Variants in CGB7 observed in about 807,000 individuals in gnomAD.
The protein encoded by CGB7 is chorionic gonadotropin subunit beta 7.
In CGB7, 6 loss-of-function variants were observed where a neutral mutation model predicts 7.3. The observed-to-expected ratio is 0.82, with a 90% CI of 0.45 to 1.62. The LOEUF (loss-of-function observed/expected upper bound fraction) is 1.62. CGB7 is among the 40% of genes most tolerant of loss of function. The pLI is 0.01. For synonymous variants in CGB7, 47 were observed against 100.8 expected, an observed-to-expected ratio of 0.47 and a Z score of 3.20; for missense variants, 114 against 236.2, an observed-to-expected ratio of 0.48 and a Z score of 3.39.
chr19:49,056,535 C>G lies in CGB7; in HGVS notation c.-1160G>C. 2 of 1,303,194 alleles carry G rather than the reference C, an allele frequency of 1.5e-6. No individual in the cohort carries two copies. The highest frequency in any genetic ancestry group is 2.0e-6 in the Non-Finnish European group (2 of 998,188). The allele number at this position is 1,303,194 out of a possible 1,614,324, so 80.7% of individuals were successfully genotyped here. On this transcript the variant is annotated 5_prime_UTR_variant, in exon 3 of 5. Coordinates refer to ENST00000684222, the MANE Select transcript of CGB7 (RefSeq NM_001385261.1). ...GCGGGTCGTGACTCCAGAGTTGGGG[C>G]GTCTCTTCTAAGCTCCAGTAGGTCA... is the stretch of plus-strand genomic sequence containing the variant.
chr19:49,056,183 C>T lies in CGB7; in HGVS notation c.-808G>A, dbSNP rs545563224. 1 of 1,267,324 alleles carries T rather than the reference C, an allele frequency of 7.9e-7. No individual in the cohort carries two copies. 78.5% of individuals were successfully genotyped at this position (1,267,324 alleles called of 1,614,324 possible). On this transcript the variant is annotated 5_prime_UTR_variant, in exon 3 of 5. Coordinates refer to ENST00000684222, the MANE Select transcript of CGB7 (RefSeq NM_001385261.1). ...TAATGAGTGCGAGCCCACCTAGGTCCGACACCGCGTAGTGAGCGGCTGCCC... is the reference window on the plus strand; with the variant it reads ...TAATGAGTGCGAGCCCACCTAGGTCTGACACCGCGTAGTGAGCGGCTGCCC...
Position 49,055,933 on chromosome 19 carries a change from C to T in CGB7, c.-558G>A, listed in dbSNP as rs944189314. 1 of 1,097,054 alleles carries T rather than the reference C, an allele frequency of 9.1e-7. No individual in the cohort carries two copies. Among genetic ancestry groups the T allele is most frequent in the African/African-American group, 1.7e-5 (1 of 60,192 alleles). 68.0% of individuals were successfully genotyped at this position (1,097,054 alleles called of 1,614,324 possible). The stretch of plus-strand genomic sequence containing the variant: ...CCGAGCCCCACCTCTCCCTTAGGAA[C>T]CTCCGCCCACCCTACCCTCAAGCCA... On this transcript the variant is annotated 5_prime_UTR_variant, in exon 3 of 5. Transcript: ENST00000684222.
In CGB7 at chr19:49,057,509, C is replaced by A. The variant is rs2040081477; in HGVS notation, c.-1396G>T. The A allele has an allele frequency of 2.4e-6, 3 of 1,234,396 alleles. No individual in the cohort carries two copies. The highest frequency in any genetic ancestry group is 7.8e-5 in the Admixed American group (2 of 25,494). The allele number at this position is 1,234,396 out of a possible 1,614,324, so 76.5% of individuals were successfully genotyped here. ...GCTGGTCAAGGAACTCAAATGCAGG[C>A]CCCCAGCCACCACAAAATCCCCCTG... is the stretch of plus-strand genomic sequence containing the variant. On this transcript the variant is annotated 5_prime_UTR_variant, in exon 1 of 5. Transcript: ENST00000684222.
At chr19:49,057,344 C>G in intron 1 of CGB7, 96 bp from the exon 2 acceptor site, 1 of 1,449,632 alleles carries the variant, frequency 6.9e-7, no homozygotes, top group East Asian at 2.6e-5. Flanking sequence ...CTCCTTCGGC[C>G]TCGACAGCCA....
chr19:49,056,436 T>A lies in CGB7; in HGVS notation c.-1061A>T, dbSNP rs79891871. On this transcript the variant is annotated 5_prime_UTR_variant, in exon 3 of 5. Transcript: ENST00000684222. Reference sequence around the variant, plus strand: ...AGCGGGTGCGGCGAGGAGCTGTAGGTTTCCTGAGCCGGAGACATGGCCCGC... The same window carrying A: ...AGCGGGTGCGGCGAGGAGCTGTAGGATTCCTGAGCCGGAGACATGGCCCGC... 7.7e-7 allele frequency: 1 copy of A among 1,297,646 alleles called. No homozygotes were observed. Among genetic ancestry groups the A allele is most frequent in the Non-Finnish European group, 1.0e-6 (1 of 994,162 alleles). The allele number at this position is 1,297,646 out of a possible 1,614,324, so 80.4% of individuals were successfully genotyped here.
chr19:49,056,753 G>A (rs1355031599), intron 2 of CGB7, among the ~76,000 whole-genome samples, 158 bp from the exon 3 acceptor site: 1 of 152,158 alleles, frequency 6.6e-6, no homozygotes, highest in East Asian at 1.9e-4. Context: ...TGCGTTCCTG[G>A]GTCCTCGAGG....
Position 49,055,553 on chromosome 19 carries a change from C to A in CGB7, c.-178G>T. On this transcript the variant is annotated 5_prime_UTR_variant, in exon 3 of 5. Coordinates refer to ENST00000684222, the MANE Select transcript of CGB7 (RefSeq NM_001385261.1). ...GCTCAGCGGAGCACCCCAGTCCTCT[C>A]CCCTCAGTGGTCTAGCGCCAAGGAT... is the stretch of plus-strand genomic sequence containing the variant. The A allele has an allele frequency of 6.5e-7, 1 of 1,544,208 alleles. No individual in the cohort carries two copies. Among genetic ancestry groups the A allele is most frequent in the Non-Finnish European group, 8.7e-7 (1 of 1,145,214 alleles).
At position 49,055,455 on chromosome 19, in the gene CGB7, G is replaced by A. The variant is rs1487240407; in HGVS notation, c.-80C>T. The A allele has an allele frequency of 5.0e-6, 8 of 1,607,752 alleles. No individual in the cohort carries two copies. The highest frequency in any genetic ancestry group is 6.8e-6 in the Non-Finnish European group (8 of 1,176,528). On this transcript the variant is annotated 5_prime_UTR_variant, in exon 3 of 5. Coordinates refer to ENST00000684222, the MANE Select transcript of CGB7 (RefSeq NM_001385261.1). Reference sequence around the variant, plus strand: ...GCGTCAAGGCCACCAGGAGGTTGTAGGATGCTGGAGTGAGCTGGACACTAA... The same window carrying A: ...GCGTCAAGGCCACCAGGAGGTTGTAAGATGCTGGAGTGAGCTGGACACTAA...
chr19:49,057,308 T>C lies in CGB7; in HGVS notation c.-1348-60A>G, dbSNP rs141069153. On this transcript the variant is annotated intron_variant, in intron 1 of 4. Transcript: ENST00000684222. ...CATAGATTTCATACCCCATCCCAAG[T>C]CCTGGGTCCCGAGTTCAGAATCCCT... The C allele has an allele frequency of 1.6e-3, 2,349 of 1,487,154 alleles. 7 individuals carry two copies. Among genetic ancestry groups the C allele is most frequent in the Non-Finnish European group, 1.7e-3 (1,903 of 1,116,954 alleles). 92.1% of individuals were successfully genotyped at this position (1,487,154 alleles called of 1,614,324 possible).
At chr19:49,057,080 G>T (rs1751413464) in intron 2 of CGB7, 41 bp downstream of exon 2, 29 of 1,525,336 alleles carry the variant, frequency 1.9e-5, no homozygotes, top group Non-Finnish European at 2.4e-5. Flanking sequence ...GCCATGGCGG[G>T]GGCTGTGCAG....
chr19:49,057,387 G>T (rs887973908), intron 1 of CGB7, 75 bp downstream of exon 1: 1 of 1,409,626 alleles, frequency 7.1e-7, no homozygotes, highest in Admixed American at 2.8e-5. Flanking sequence ...CCGCCCCAGG[G>T]TCAGAGCCCT....
chr19:49,056,033 G>A lies in CGB7; in HGVS notation c.-658C>T, dbSNP rs184259189. On this transcript the variant is annotated 5_prime_UTR_variant, in exon 3 of 5. Transcript: ENST00000684222. ...TGATTATTGAATAGGCCCGCAGGAG[G>A]TGTGTCCTGCCCGCGGGGCCGCAGC... is the stretch of plus-strand genomic sequence containing the variant. The A allele has an allele frequency of 3.4e-3, 3,974 of 1,166,500 alleles. 17 individuals are homozygous for A. The highest frequency in any genetic ancestry group is 0.018 in the South Asian group (1,049 of 58,394). 72.3% of individuals were successfully genotyped at this position (1,166,500 alleles called of 1,614,324 possible). A position where few individuals can be genotyped will look rare whatever the true frequency, so the allele number is the denominator to read the frequency against.
chr19:49,056,212 G>C lies in CGB7; in HGVS notation c.-837C>G. The C allele has an allele frequency of 7.8e-7, 1 of 1,284,424 alleles. No individual in the cohort carries two copies. Among genetic ancestry groups the C allele is most frequent in the South Asian group, 1.2e-5 (1 of 80,884 alleles). The allele number at this position is 1,284,424 out of a possible 1,614,324, so 79.6% of individuals were successfully genotyped here. ...ACCGCGTAGTGAGCGGCTGCCCAGA[G>C]CTCTGCTCCGCCCCCACGCCAGGGG... On this transcript the variant is annotated 5_prime_UTR_variant, in exon 3 of 5. Transcript: ENST00000684222.
In CGB7 at chr19:49,056,148, C is replaced by A. The variant is rs754484653; in HGVS notation, c.-773G>T. 2 of 1,220,162 alleles carry A rather than the reference C, an allele frequency of 1.6e-6. No individual in the cohort carries two copies. Among genetic ancestry groups the A allele is most frequent in the Non-Finnish European group, 2.1e-6 (2 of 952,406 alleles). 75.6% of individuals were successfully genotyped at this position (1,220,162 alleles called of 1,614,324 possible). A position where few individuals can be genotyped will look rare whatever the true frequency, so the allele number is the denominator to read the frequency against. On this transcript the variant is annotated 5_prime_UTR_variant, in exon 3 of 5. Transcript: ENST00000684222. ...CTGGGCTAGTCCTGTCCCCACACTG[C>A]GGATAGACTTAATGAGTGCGAGCCC...
rs915679232 is a variant in CGB7, at chr19:49,055,685, C to A, written c.-310G>T. 1.7e-5 allele frequency: 23 copies of A among 1,328,484 alleles called. No individual in the cohort carries two copies. The highest frequency in any genetic ancestry group is 2.2e-5 in the Non-Finnish European group (23 of 1,034,170). 82.3% of individuals were successfully genotyped at this position (1,328,484 alleles called of 1,614,324 possible). A position where few individuals can be genotyped will look rare whatever the true frequency, so the allele number is the denominator to read the frequency against. On this transcript the variant is annotated 5_prime_UTR_variant, in exon 3 of 5. Transcript: ENST00000684222. Reference sequence around the variant, plus strand: ...TAGGGTGTAGGAAGGCCTGCCTCTGCCTATGGTGGGGTCTTGGGAACCAGG... The same window carrying A: ...TAGGGTGTAGGAAGGCCTGCCTCTGACTATGGTGGGGTCTTGGGAACCAGG...
Position 49,057,105 on chromosome 19 carries a change from C to A in CGB7, c.-1221+16G>T, listed in dbSNP as rs1179696025. 5 of 1,532,688 alleles carry A rather than the reference C, an allele frequency of 3.3e-6. No homozygotes were observed. The Admixed American group carries it at 7.9e-5, about 24-fold the overall frequency. 94.9% of individuals were successfully genotyped at this position (1,532,688 alleles called of 1,614,324 possible). ...GGGCTGTGCAGGAGGCGGTGCCGAG[C>A]GAGAGCCCGGCTTACTTGGGATAGA... On this transcript the variant is annotated intron_variant, in intron 2 of 4. Coordinates refer to ENST00000684222, the MANE Select transcript of CGB7 (RefSeq NM_001385261.1).
chr19:49,056,587 G>A lies in CGB7; in HGVS notation c.-1212C>T, dbSNP rs1341426656. On this transcript the variant is annotated 5_prime_UTR_variant, in exon 3 of 5. Coordinates refer to ENST00000684222, the MANE Select transcript of CGB7 (RefSeq NM_001385261.1). The stretch of plus-strand genomic sequence containing the variant: ...GTAGTCCTTGCGGGGGTATCCGGAC[G>A]GCTCCGTCCTGTGGGAGCAGGGCGG... 2.4e-5 allele frequency: 31 copies of A among 1,287,214 alleles called. 1 individual carries two copies. Among genetic ancestry groups the A allele is most frequent in the East Asian group, 1.5e-4 (3 of 19,666 alleles). The allele number at this position is 1,287,214 out of a possible 1,614,324, so 79.7% of individuals were successfully genotyped here. A position where few individuals can be genotyped will look rare whatever the true frequency, so the allele number is the denominator to read the frequency against.
rs200788764 is a variant in CGB7 at position 49,055,345 on chromosome 19, G to A, written c.15+16C>T. On this transcript the variant is annotated intron_variant, in intron 3 of 4. Transcript: ENST00000684222. ...TGGAAGGAGGTGGAAGGTGCCCAGGGGCCCTGCAGTCTTACCTGGAACATC... is the reference window on the plus strand; with the variant it reads ...TGGAAGGAGGTGGAAGGTGCCCAGGAGCCCTGCAGTCTTACCTGGAACATC... The A allele has an allele frequency of 4.3e-5, 69 of 1,612,682 alleles. No homozygotes were observed. The highest frequency in any genetic ancestry group is 1.0e-4 in the Admixed American group (6 of 59,970).
Position 49,055,429 on chromosome 19 carries a change from G to A in CGB7, c.-54C>T. On this transcript the variant is annotated 5_prime_UTR_variant, in exon 3 of 5. Coordinates refer to ENST00000684222, the MANE Select transcript of CGB7 (RefSeq NM_001385261.1). ...TGGCTTTATACCTCGGGTTTGTGGG[G>A]GCGTCAAGGCCACCAGGAGGTTGTA... 12 of 1,605,782 alleles carry A rather than the reference G, an allele frequency of 7.5e-6. No individual in the cohort carries two copies. The highest frequency in any genetic ancestry group is 9.4e-6 in the Non-Finnish European group (11 of 1,175,632).
Sources: allele counts gnomAD v4.1 joint callset (sites outside exome capture counted in the v4.1 genomes callset), GRCh38; gene constraint gnomAD v4.1.1; transcripts MANE v1.5; gene names NCBI Gene and HGNC (gene_info 2026-07-23, HGNC 2026-07-21).